NBEA: variants seen among roughly 807,000 people sequenced by gnomAD.
NBEA encodes lysosomal-trafficking regulator 2.
NBEA carries 44 observed loss-of-function variants against 343.4 expected under a neutral mutation model. The observed-to-expected ratio is 0.13, with a 90% confidence interval of 0.10 to 0.16. NBEA has a LOEUF of 0.16. Among genes scored for constraint, NBEA ranks in the 10% least tolerant of loss-of-function variants. The pLI, the probability that NBEA is intolerant of heterozygous loss-of-function variation, is 1.00. For missense variants in NBEA, 2,555 were observed against 3,631.3 expected, an observed-to-expected ratio of 0.70 and a Z score of 7.62; for synonymous variants, 1,175 against 1,238.7, an observed-to-expected ratio of 0.95 and a Z score of 1.08.
At chr13:35,208,944 C>G (rs1170325938) in intron 32 of NBEA, 90 bp downstream of exon 32, 3 of 963,452 alleles carry the variant, frequency 3.1e-6, no homozygotes, top group African/African-American at 3.4e-5. Context: ...TTAAAATACC[C>G]TAATCATTTA....
intron 38 of NBEA, among the ~76,000 whole-genome samples, chr13:35,376,679 A>G (rs142016840): frequency 2.0e-5 from 3 of 152,160 alleles, no homozygotes; most frequent in Non-Finnish European, 2.9e-5. Context: ...TAGGAGGAGG[A>G]ATAGGATTCC....
At chr13:35,222,778 C>G (rs1275889773) in intron 33 of NBEA, among the ~76,000 whole-genome samples, 1 of 152,084 alleles carries the variant, frequency 6.6e-6, no homozygotes, top group Non-Finnish European at 1.5e-5. Context: ...CTCCTAATTC[C>G]TCTTTCACAT....
chr13:35,668,385 T>G lies in NBEA; in HGVS notation c.8679T>G (p.Ser2893Arg). ...NDSTRAILLS[S>R]DGQNLVTGGD... ...TTCTGAAGGCCATTCTCCTGAGCAG[T>G]GACGGCCAGAACCTGGTCACCGGAG... Residue 2893 changes from serine (S) to arginine (R), a missense_variant, in exon 58 of 59, where the codon AGT becomes AGG. Transcript: ENST00000379939. 1 of 1,607,718 alleles carries G rather than the reference T, an allele frequency of 6.2e-7. No individual in the cohort carries two copies. Among genetic ancestry groups the G allele is most frequent in the Non-Finnish European group, 8.5e-7 (1 of 1,176,648 alleles).
intron 49 of NBEA, among the ~76,000 whole-genome samples, chr13:35,638,397 C>G (rs1288654737): frequency 6.6e-6 from 1 of 152,190 alleles, no homozygotes; most frequent in Non-Finnish European, 1.5e-5. Flanking sequence ...TTCCCAGAAT[C>G]TGGCAATAAA....
At chr13:35,432,084 C>A (rs925851195) in intron 38 of NBEA, among the ~76,000 whole-genome samples, 185 bp from the exon 39 acceptor site, 1 of 150,898 alleles carries the variant, frequency 6.6e-6, no homozygotes, top group African/African-American at 2.5e-5. Flanking sequence ...GTCTTTTTCA[C>A]TTGTAGAGGA....
chr13:35,553,858 G>A (rs1018026920), intron 43 of NBEA, among the ~76,000 whole-genome samples: 2 of 152,094 alleles, frequency 1.3e-5, no homozygotes, highest in Non-Finnish European at 1.5e-5. Flanking sequence ...CTATTTGCTC[G>A]AGTTAGTTCC....
chr13:35,658,678 G>A (rs758053518), intron 55 of NBEA, among the ~76,000 whole-genome samples: 8 of 152,082 alleles, frequency 5.3e-5, no homozygotes, highest in East Asian at 1.9e-4. Context: ...TTAAGGATTC[G>A]TAAAATGCTT....
intron 1 of NBEA, among the ~76,000 whole-genome samples, chr13:34,992,172 G>T (rs1335024240): frequency 6.1e-5 from 9 of 147,842 alleles, no homozygotes; most frequent in Non-Finnish European, 1.3e-4. Flanking sequence ...TTTGAAAAAT[G>T]TGTGTGTATA....
intron 4 of NBEA, among the ~76,000 whole-genome samples, chr13:35,047,950 A>G (rs187729956): frequency 5.7e-4 from 86 of 151,782 alleles, no homozygotes; most frequent in African/African-American, 2.0e-3. Context: ...TTTGATTGCT[A>G]TTTTCAAGGG....
intron 38 of NBEA, among the ~76,000 whole-genome samples, chr13:35,414,684 T>G (rs1397434150): frequency 6.6e-6 from 1 of 152,198 alleles, no homozygotes; most frequent in African/African-American, 2.4e-5. Flanking sequence ...AGTGCCACAA[T>G]AAACATACGT....
At chr13:35,296,744 A>G (rs1033940032) in intron 35 of NBEA, among the ~76,000 whole-genome samples, 1 of 151,416 alleles carries the variant, frequency 6.6e-6, no homozygotes, top group African/African-American at 2.4e-5. Flanking sequence ...AGTGAAAACT[A>G]TATATATATA....
chr13:35,070,633 T>C (rs919643098), intron 9 of NBEA, 86 bp from the exon 10 acceptor site: 4 of 1,200,348 alleles, frequency 3.3e-6, no homozygotes, highest in African/African-American at 3.1e-5. Context: ...TGTTATTTAA[T>C]TCTATTATAA....
intron 38 of NBEA, among the ~76,000 whole-genome samples, chr13:35,412,226 A>C (rs1035503356): frequency 2.6e-5 from 4 of 152,176 alleles, no homozygotes; most frequent in Admixed American, 2.6e-4. Flanking sequence ...TGCATGCACA[A>C]ACCCACAGCA....
intron 1 of NBEA, among the ~76,000 whole-genome samples, chr13:35,004,481 CTGGACA>C (rs2061250159): frequency 6.6e-6 from 1 of 152,172 alleles, no homozygotes; most frequent in African/African-American, 2.4e-5. Context: ...GAAAAAAGCA[CTGGACA>C]ACTAGACTCT....
chr13:35,155,991 G>A, intron 19 of NBEA, 92 bp from the exon 20 acceptor site: 8 of 1,465,668 alleles, frequency 5.5e-6, no homozygotes, highest in Non-Finnish European at 7.4e-6. Context: ...ACCTTTTATA[G>A]TGTTAAGTAT....
intron 41 of NBEA, among the ~76,000 whole-genome samples, chr13:35,491,956 A>G (rs1435812343): frequency 6.6e-6 from 1 of 151,990 alleles, no homozygotes; most frequent in African/African-American, 2.4e-5. Context: ...GTCTTTCCAC[A>G]TCCGTATCAA....
At chr13:35,086,248 C>T (rs1346520286) in intron 10 of NBEA, among the ~76,000 whole-genome samples, 1 of 152,020 alleles carries the variant, frequency 6.6e-6, no homozygotes, top group Non-Finnish European at 1.5e-5. Flanking sequence ...CCATATGGAA[C>T]CAAAAAAGAG....
chr13:34,950,136 A>G (rs981685303), intron 1 of NBEA, among the ~76,000 whole-genome samples: 4 of 152,182 alleles, frequency 2.6e-5, no homozygotes, highest in Non-Finnish European at 4.4e-5. Context: ...TTCCTGGACC[A>G]GACAGAGAAA....
intron 34 of NBEA, among the ~76,000 whole-genome samples, chr13:35,234,835 G>A (rs1042801911): frequency 1.3e-5 from 2 of 152,124 alleles, no homozygotes; most frequent in Non-Finnish European, 2.9e-5. Context: ...CTCAAACTCT[G>A]TTTATCCAAA....
Sources: gnomAD v4.1 joint callset for allele counts (sites outside exome capture counted in the v4.1 genomes callset) on GRCh38, gnomAD v4.1.1 for gene constraint, MANE v1.5 for transcripts, NCBI Gene and HGNC (gene_info 2026-07-23, HGNC 2026-07-21) for gene names.